RESP18: variants seen among roughly 807,000 people sequenced by gnomAD.
RESP18 encodes regulated endocrine specific protein 18.
Under a neutral mutation model 30.0 loss-of-function variants are expected in RESP18, and 30 were observed. The ratio of observed to expected loss-of-function variants is 1.00; its 90% confidence interval spans 0.75 to 1.36. The LOEUF (loss-of-function observed/expected upper bound fraction) is 1.36. RESP18 is among the 40% of genes most tolerant of loss of function. RESP18 has a pLI of 0.00. For missense variants in RESP18, 320 were observed against 284.2 expected (o/e 1.13, Z -0.91); for synonymous variants, 117 against 111.2 (o/e 1.05, Z -0.33).
At position 219,329,672 on chromosome 2, in the gene RESP18, C is replaced by G; in HGVS notation, c.430G>C (p.Asp144His). ...TTAGTGGGGAAAAGTGCCTTCCCAT[C>G]CTTCAGGCATGGTTCTTGGGGATGC... The change falls in exon 4 of 7, where the codon GAT becomes CAT. Residue 144 changes from aspartate to histidine, a missense_variant. Coordinates refer to ENST00000333527, the MANE Select transcript of RESP18 (RefSeq NM_001007089.4). The G allele has an allele frequency of 6.4e-7, 1 of 1,551,640 alleles. No individual in the cohort carries two copies. Among genetic ancestry groups the G allele is most frequent in the Non-Finnish European group, 8.7e-7 (1 of 1,146,992 alleles).
chr2:219,333,070 C>T, intron 1 of RESP18: 3 of 1,150,792 alleles, frequency 2.6e-6, no homozygotes, highest in Non-Finnish European at 2.3e-6. Flanking sequence ...CCACTTAAAA[C>T]CCTTTAGAAA....
chr2:219,332,149 C>G (rs1952838005), intron 2 of RESP18, among the ~76,000 whole-genome samples: 2 of 152,208 alleles, frequency 1.3e-5, no homozygotes, highest in Non-Finnish European at 2.9e-5. Flanking sequence ...CCTGGCTCGT[C>G]TCCTGGCCCA....
At chr2:219,330,305 A>AC (rs1479648377) in intron 3 of RESP18, among the ~76,000 whole-genome samples, 1 of 150,246 alleles carries the variant, frequency 6.7e-6, no homozygotes, top group Non-Finnish European at 1.5e-5. Flanking sequence ...CTCCTCCCCA[A>AC]CATTCATGAA....
intron 5 of RESP18, 24 bp from the exon 5 acceptor site, chr2:219,329,032 G>A (rs1952802481): frequency 1.3e-6 from 2 of 1,528,222 alleles, no homozygotes; most frequent in African/African-American, 2.8e-5. Flanking sequence ...GAAATTAGAA[G>A]TACCTTTGAT....
chr2:219,332,735 GA>G lies in RESP18; in HGVS notation c.20del (p.Phe7SerfsTer58), dbSNP rs1952845819. 2 of 1,543,882 alleles carry G rather than the reference GA, an allele frequency of 1.3e-6. No individual in the cohort carries two copies. The highest frequency in any genetic ancestry group is 4.9e-5 in the East Asian group (2 of 40,754). ...CAGCTTCCCACCAGCCCGCGACTCC[GA>G]ATCTGTTTAACCCTCCTCGGCAGTT... On this transcript the variant is annotated frameshift_variant and splice_region_variant, in exon 2 of 7. Transcript: ENST00000333527. LOFTEE classifies it high-confidence loss of function.
Position 219,329,169 on chromosome 2 carries a change from A to G in RESP18, c.549T>C (p.Pro183=). The G allele has an allele frequency of 1.3e-6, 2 of 1,551,462 alleles. No individual in the cohort carries two copies. Among genetic ancestry groups the G allele is most frequent in the Non-Finnish European group, 1.7e-6 (2 of 1,146,780 alleles). ...GAAAAAGTGAGCCCCTCACCTTGAC[A>G]GGGTTGGCCACCTCTTGTTTCAGGG... is the stretch of plus-strand genomic sequence containing the variant. Residue 183 remains proline (P), a synonymous_variant, in exon 5 of 7, where the codon CCT becomes CCC. Coordinates refer to ENST00000333527, the MANE Select transcript of RESP18 (RefSeq NM_001007089.4).
At chr2:219,330,099 G>C (rs1952814596) in intron 3 of RESP18, among the ~76,000 whole-genome samples, 1 of 152,174 alleles carries the variant, frequency 6.6e-6, no homozygotes, top group African/African-American at 2.4e-5. Context: ...ACAGACTGCT[G>C]TTTCCCACCC....
At chr2:219,332,828 A>G (rs2125109226) in intron 1 of RESP18, 84 bp from the exon 1 acceptor site, 1 of 1,035,578 alleles carries the variant, frequency 9.7e-7, no homozygotes, top group Admixed American at 2.8e-5. Flanking sequence ...CCGCCTCCCC[A>G]CCCTCATCTC....
chr2:219,332,589 TGGAGCCCCTC>T lies in RESP18; in HGVS notation c.157_166del (p.Glu53SerfsTer9). 6.4e-7 allele frequency: 1 copy of T among 1,551,414 alleles called. No homozygotes were observed. Among genetic ancestry groups the T allele is most frequent in the Non-Finnish European group, 8.7e-7 (1 of 1,146,960 alleles). On this transcript the variant is annotated frameshift_variant, in exon 2 of 7. Coordinates refer to ENST00000333527, the MANE Select transcript of RESP18 (RefSeq NM_001007089.4). LOFTEE classifies it high-confidence loss of function. ...CAGCAGCAGGAAGCAGACAAGCAGCTGGAGCCCCTCGGAGCTCCCAGGCCACAGTGGGTGC... is the reference window on the plus strand; with the variant it reads ...CAGCAGCAGGAAGCAGACAAGCAGCTGGAGCTCCCAGGCCACAGTGGGTGC...
intron 4 of RESP18, 183 bp from the exon 4 acceptor site, chr2:219,329,435 C>A (rs747330690): frequency 6.4e-7 from 1 of 1,551,054 alleles, no homozygotes; most frequent in South Asian, 1.2e-5. Context: ...CAAATTGGAC[C>A]TAGGCTTGCC....
At chr2:219,328,333 C>A (rs1952793962) in intron 6 of RESP18, among the ~76,000 whole-genome samples, 1 of 152,154 alleles carries the variant, frequency 6.6e-6, no homozygotes, top group Non-Finnish European at 1.5e-5. Context: ...CTTAACATGA[C>A]ATGGTATGGG....
intron 6 of RESP18, 92 bp from the exon 6 acceptor site, chr2:219,327,655 A>G (rs759348952): frequency 2.5e-4 from 281 of 1,114,598 alleles, no homozygotes; most frequent in Non-Finnish European, 2.6e-4. Flanking sequence ...CTGTAGTAAC[A>G]GCCTGATTTG....
rs1952801626 is a variant in RESP18 at position 219,328,981 on chromosome 2, G to A, written c.583C>T (p.Leu195=). The A allele has an allele frequency of 6.4e-7, 1 of 1,550,842 alleles. No individual in the cohort carries two copies. Among genetic ancestry groups the A allele is most frequent in the African/African-American group, 1.4e-5 (1 of 72,964 alleles). Residue 195 remains leucine (L), a synonymous_variant, in exon 6 of 7, where the codon CTG becomes TTG. Transcript: ENST00000333527. Reference sequence around the variant, plus strand: ...GGTCCCGGCGCCTGCATCATGTCCAGCCCCCCATATGAACACCTATAGGTA... The same window carrying A: ...GGTCCCGGCGCCTGCATCATGTCCAACCCCCCATATGAACACCTATAGGTA...
chr2:219,332,603 G>A lies in RESP18; in HGVS notation c.153C>T (p.Ser51=), dbSNP rs1952843227. ...AGACAAGCAGCTGGAGCCCCTCGGA[G>A]CTCCCAGGCCACAGTGGGTGCTGTA... The change falls in exon 2 of 7, where the codon AGC becomes AGT. Residue 51 remains serine (S), a synonymous_variant. Coordinates refer to ENST00000333527, the MANE Select transcript of RESP18 (RefSeq NM_001007089.4). 5 of 1,551,300 alleles carry A rather than the reference G, an allele frequency of 3.2e-6. No homozygotes were observed. In the Admixed American group the frequency reaches 9.8e-5, roughly 30 times the overall value.
chr2:219,327,641 A>C (rs1198313901), intron 6 of RESP18, 78 bp from the exon 6 acceptor site: 1 of 1,212,636 alleles, frequency 8.2e-7, no homozygotes, highest in African/African-American at 1.5e-5. Flanking sequence ...TCCTTCCACA[A>C]ATACTGTAGT....
In RESP18 at chr2:219,331,062, T is replaced by G; in HGVS notation, c.233-187A>C. On this transcript the variant is annotated intron_variant, in intron 2 of 6. Coordinates refer to ENST00000333527, the MANE Select transcript of RESP18 (RefSeq NM_001007089.4). ...CCTCCATCACCACTTGCCATATTCTTCAACCCCTGGGCCTCATTCACTCTT... is the reference window on the plus strand; with the variant it reads ...CCTCCATCACCACTTGCCATATTCTGCAACCCCTGGGCCTCATTCACTCTT... 7.2e-6 allele frequency: 4 copies of G among 555,926 alleles called. 1 individual carries two copies. The South Asian group carries it at 8.7e-5, about 12-fold the overall frequency. The allele number at this position is 555,926 out of a possible 1,614,324, so 34.4% of individuals were successfully genotyped here.
intron 3 of RESP18, 60 bp downstream of exon 2, chr2:219,330,711 C>G (rs1952821395): frequency 4.5e-6 from 5 of 1,118,980 alleles, no homozygotes; most frequent in African/African-American, 3.1e-5. Context: ...CGGATAGCCC[C>G]TCTTCCCCCC....
chr2:219,333,149 C>T (rs1024338262), intron 1 of RESP18: 5 of 1,519,260 alleles, frequency 3.3e-6, no homozygotes, highest in Non-Finnish European at 1.8e-6. Context: ...ATGGCACATC[C>T]ATCCACTTTA....
intron 2 of RESP18, among the ~76,000 whole-genome samples, chr2:219,331,779 C>T (rs1172361596): frequency 6.6e-6 from 1 of 152,188 alleles, no homozygotes. Context: ...GGGAGGCCAG[C>T]GTGGCGGCGG....
Sources: allele counts gnomAD v4.1 joint callset (sites outside exome capture counted in the v4.1 genomes callset), GRCh38; gene constraint gnomAD v4.1.1; transcripts MANE v1.5; gene names NCBI Gene and HGNC (gene_info 2026-07-23, HGNC 2026-07-21).